Variants in VPS54 observed in about 807,000 individuals in gnomAD.
VPS54 encodes the protein vacuolar protein sorting-associated protein 54.
VPS54 carries 45 observed loss-of-function variants against 121.5 expected under a neutral mutation model. The observed-to-expected ratio is 0.37, with a 90% confidence interval of 0.29 to 0.47. The LOEUF (loss-of-function observed/expected upper bound fraction) is 0.47. Ranked by LOEUF, VPS54 falls within the 20% of genes least tolerant of loss-of-function variation. VPS54 has a pLI of 0.99. For missense variants in VPS54, 1,090 were observed against 1,131.4 expected, an observed-to-expected ratio of 0.96 and a Z score of 0.52; for synonymous variants, 371 against 385.8, an observed-to-expected ratio of 0.96 and a Z score of 0.45.
chr2:63,969,501 T>A (rs1201663736), intron 4 of VPS54, among the ~76,000 whole-genome samples: 1 of 152,122 alleles, frequency 6.6e-6, no homozygotes, highest in African/African-American at 2.4e-5. Context: ...GTGCCCTCCT[T>A]ATAAGAATCT....
At chr2:63,933,356 T>C (rs1674303382) in intron 12 of VPS54, among the ~76,000 whole-genome samples, 1 of 152,202 alleles carries the variant, frequency 6.6e-6, no homozygotes, top group African/African-American at 2.4e-5. Context: ...CAGTATATGT[T>C]CTGCCACTAG....
intron 12 of VPS54, among the ~76,000 whole-genome samples, chr2:63,921,953 C>G (rs927071917): frequency 1.3e-5 from 2 of 152,102 alleles, no homozygotes; most frequent in African/African-American, 4.8e-5. Context: ...GCATAGGCAC[C>G]TAGGATGATA....
chr2:63,930,248 G>A (rs948135266), intron 12 of VPS54, among the ~76,000 whole-genome samples: 6 of 151,958 alleles, frequency 3.9e-5, no homozygotes, highest in Non-Finnish European at 8.8e-5. Context: ...GATGAACATC[G>A]ATGAGAAAAT....
At chr2:63,971,951 T>A (rs561799426) in intron 4 of VPS54, among the ~76,000 whole-genome samples, 16 of 152,212 alleles carry the variant, frequency 1.1e-4, no homozygotes, top group Non-Finnish European at 1.6e-4. Flanking sequence ...ACCACGAAGA[T>A]ATCCAATCAA....
At position 63,912,592 on chromosome 2, in the gene VPS54, C is replaced by T. The variant is rs1423573481; in HGVS notation, c.2492G>A (p.Arg831Gln). ...IPVIRAHFEARLPPKQYSMLR... is the reference protein window; with the variant it reads ...IPVIRAHFEAQLPPKQYSMLR... The stretch of plus-strand genomic sequence containing the variant: ...CATGCTATATTGCTTAGGTGGTAGT[C>T]GAGCTTCAAAATGAGCCCGGATCAC... The change falls in exon 19 of 23, where the codon CGA becomes CAA. Residue 831 changes from arginine (R) to glutamine (Q), a missense_variant. Transcript: ENST00000272322. The T allele has an allele frequency of 1.3e-6, 2 of 1,596,134 alleles. No homozygotes were observed. Among genetic ancestry groups the T allele is most frequent in the Admixed American group, 1.9e-5 (1 of 53,424 alleles).
Position 63,913,882 on chromosome 2 carries a change from A to T in VPS54, c.2334+300T>A, listed in dbSNP as rs899040117. Reference sequence around the variant, plus strand: ...ATTCCTTCCATGCACATTTGAAGCCAGTCCAGGTTTTTTGACCTAAGTGGC... The same window carrying T: ...ATTCCTTCCATGCACATTTGAAGCCTGTCCAGGTTTTTTGACCTAAGTGGC... On this transcript the variant is annotated intron_variant, in intron 17 of 22. Transcript: ENST00000272322. 4 of 1,130,974 alleles carry T rather than the reference A, an allele frequency of 3.5e-6. No individual in the cohort carries two copies. In the African/African-American group the frequency reaches 6.6e-5, roughly 19 times the overall value. The allele number at this position is 1,130,974 out of a possible 1,614,324, so 70.1% of individuals were successfully genotyped here. A position where few individuals can be genotyped will look rare whatever the true frequency, so the allele number is the denominator to read the frequency against.
chr2:63,934,426 T>C (rs1185154382), intron 11 of VPS54, among the ~76,000 whole-genome samples: 1 of 152,184 alleles, frequency 6.6e-6, no homozygotes, highest in African/African-American at 2.4e-5. Context: ...CCTTTTCTCG[T>C]ATCTTCTCTC....
chr2:63,941,138 G>A (rs1368949577), intron 11 of VPS54, among the ~76,000 whole-genome samples: 3 of 152,186 alleles, frequency 2.0e-5, no homozygotes, highest in Non-Finnish European at 2.9e-5. Context: ...GTTAACACTT[G>A]ATAACTCAAA....
At chr2:63,979,487 C>G (rs1676704431) in intron 3 of VPS54, among the ~76,000 whole-genome samples, 1 of 152,086 alleles carries the variant, frequency 6.6e-6, no homozygotes. Flanking sequence ...GTGATCCACC[C>G]ACCTTGGCCT....
intron 18 of VPS54, 53 bp downstream of exon 18, chr2:63,913,170 A>G: frequency 3.4e-6 from 5 of 1,466,108 alleles, no homozygotes; most frequent in East Asian, 4.7e-5. Context: ...TGATGAGAAC[A>G]GTGACATCAC....
chr2:63,988,433 G>A (rs1311352358), intron 1 of VPS54, among the ~76,000 whole-genome samples: 1 of 152,146 alleles, frequency 6.6e-6, no homozygotes, highest in African/African-American at 2.4e-5. Context: ...TGCATCAATA[G>A]TCACAGATAT....
intron 6 of VPS54, among the ~76,000 whole-genome samples, chr2:63,964,062 A>C (rs1323413975): frequency 6.6e-6 from 1 of 152,172 alleles, no homozygotes; most frequent in Non-Finnish European, 1.5e-5. Flanking sequence ...ATAGAATACA[A>C]ATTTCTTTAA....
intron 1 of VPS54, among the ~76,000 whole-genome samples, chr2:63,992,209 C>T (rs897094781): frequency 1.3e-5 from 2 of 152,192 alleles, no homozygotes; most frequent in Non-Finnish European, 2.9e-5. Context: ...ACACGTGGCC[C>T]TGGAAGGGGC....
At chr2:63,946,702 TCAAAA>T (rs1396074537) in intron 9 of VPS54, among the ~76,000 whole-genome samples, 3 of 151,910 alleles carry the variant, frequency 2.0e-5, no homozygotes, top group African/African-American at 7.2e-5. Flanking sequence ...CTAAAAAAAG[TCAAAA>T]CAAAGATCAG....
At chr2:64,005,566 T>C (rs1482197394) in intron 1 of VPS54, among the ~76,000 whole-genome samples, 2 of 152,206 alleles carry the variant, frequency 1.3e-5, no homozygotes, top group South Asian at 2.1e-4. Flanking sequence ...CCATACTGTA[T>C]CCATGAAGCG....
chr2:63,988,088 C>T (rs1312230847), intron 1 of VPS54, among the ~76,000 whole-genome samples: 1 of 152,194 alleles, frequency 6.6e-6, no homozygotes, highest in Non-Finnish European at 1.5e-5. Context: ...GGCATCCTTG[C>T]TGTGTTTCAG....
At position 63,983,924 on chromosome 2, in the gene VPS54, G is replaced by A. The variant is rs1676921803; in HGVS notation, c.76C>T (p.Pro26Ser). The change falls in exon 2 of 23, where the codon CCG becomes TCG. Residue 26 changes from proline (P) to serine (S), a missense_variant. Physicochemically the swap from Pro to Ser is moderately conservative, Grantham distance 74. Transcript: ENST00000272322. ...GGCACAGGTCGAATGTGTTTTGACG[G>A]ATCTACCTCTATTTTAAAGAAAACA... The part of the protein sequence containing the change: ...SDVFFKIEVD[P>S]SKHIRPVPSL... The A allele has an allele frequency of 3.1e-6, 5 of 1,613,778 alleles. No homozygotes were observed. Among genetic ancestry groups the A allele is most frequent in the Non-Finnish European group, 4.2e-6 (5 of 1,179,844 alleles).
intron 2 of VPS54, among the ~76,000 whole-genome samples, chr2:63,983,351 T>G (rs2104618359): frequency 6.6e-6 from 1 of 152,128 alleles, no homozygotes. Context: ...CAGGCTGATG[T>G]TGAACTCCCT....
At chr2:63,941,368 G>A (rs1013418251) in intron 11 of VPS54, among the ~76,000 whole-genome samples, 2 of 148,752 alleles carry the variant, frequency 1.3e-5, no homozygotes, top group Non-Finnish European at 2.9e-5. Flanking sequence ...GGGACTACAG[G>A]TGTGCATCAC....
Sources: gnomAD v4.1 joint callset for allele counts (sites outside exome capture counted in the v4.1 genomes callset) on GRCh38, gnomAD v4.1.1 for gene constraint, MANE v1.5 for transcripts, NCBI Gene and HGNC (gene_info 2026-07-23, HGNC 2026-07-21) for gene names.